Variants in TSPAN11 observed in about 807,000 individuals in gnomAD.
TSPAN11 encodes the protein tetraspanin-11.
In TSPAN11, 29 loss-of-function variants were observed where a neutral mutation model predicts 32.9. That is an observed-to-expected ratio of 0.88 (90% CI 0.66 to 1.20). The LOEUF (loss-of-function observed/expected upper bound fraction) is 1.20, where lower values mean the gene tolerates loss of function less well. TSPAN11 is among the 50% of genes most tolerant of loss of function. The probability of loss-of-function intolerance (pLI) is 0.00; values close to 1 mark genes in which losing one functional copy is unlikely to be tolerated. For synonymous variants in TSPAN11, 140 were observed against 141.3 expected, an observed-to-expected ratio of 0.99 and a Z score of 0.07; for missense variants, 283 against 329.1, an observed-to-expected ratio of 0.86 and a Z score of 1.08.
At chr12:30,970,419 C>A (rs1345858855) in intron 3 of TSPAN11, among the ~76,000 whole-genome samples, 1 of 152,332 alleles carries the variant, frequency 6.6e-6, no homozygotes, top group African/African-American at 2.4e-5. Context: ...GGAACACACA[C>A]AGTGTGATCT....
At chr12:30,939,086 G>A (rs113414814) in intron 1 of TSPAN11, among the ~76,000 whole-genome samples, 2 of 152,152 alleles carry the variant, frequency 1.3e-5, no homozygotes, top group Non-Finnish European at 2.9e-5. Flanking sequence ...ACAAAAATTA[G>A]CCAGGTGTGG....
chr12:30,962,889 C>T (rs1326384021), intron 2 of TSPAN11, among the ~76,000 whole-genome samples: 2 of 152,196 alleles, frequency 1.3e-5, no homozygotes, highest in East Asian at 1.9e-4. Flanking sequence ...CCATCTGGCA[C>T]CCTGAAGATG....
Position 30,995,791 on chromosome 12 carries a change from A to C in TSPAN11, c.*3876A>C, listed in dbSNP as rs1457670096. ...ATCACCTGGAAGGGCTTTTACAAAC[A>C]GATTGCTGGCCCCACCCCCCAGAAT... On this transcript the variant is annotated 3_prime_UTR_variant, in exon 8 of 8. Coordinates refer to ENST00000546076, the MANE Select transcript of TSPAN11 (RefSeq NM_001370302.1). 1.3e-5 allele frequency: 2 copies of C among 149,442 alleles called. No individual in the cohort carries two copies. Among genetic ancestry groups the C allele is most frequent in the African/African-American group, 5.0e-5 (2 of 40,242 alleles). 9.3% of individuals were successfully genotyped at this position (149,442 alleles called of 1,614,324 possible).
At chr12:30,952,481 A>G (rs1938401092) in intron 1 of TSPAN11, among the ~76,000 whole-genome samples, 1 of 152,248 alleles carries the variant, frequency 6.6e-6, no homozygotes, top group Non-Finnish European at 1.5e-5. Flanking sequence ...CGAGAAGACT[A>G]GCAGTCTTAA....
At chr12:31,003,919 C>T in the TSPAN11 span, among the ~76,000 whole-genome samples, 1 of 152,312 alleles carries the variant, frequency 6.6e-6, no homozygotes, top group East Asian at 1.9e-4. Context: ...ATCCTGAACA[C>T]ATCAAAAGTT....
At chr12:30,960,900 G>A (rs771255993) in intron 2 of TSPAN11, among the ~76,000 whole-genome samples, 44 of 151,862 alleles carry the variant, frequency 2.9e-4, no homozygotes, top group Admixed American at 1.3e-3. Context: ...TTAGCCAGGC[G>A]TGGTGGTGCA....
chr12:30,963,652 C>T (rs1411234055), intron 2 of TSPAN11, among the ~76,000 whole-genome samples, 174 bp from the exon 3 acceptor site: 1 of 152,260 alleles, frequency 6.6e-6, no homozygotes, highest in Non-Finnish European at 1.5e-5. Context: ...CTCCTAACCT[C>T]TCTCAGCCTC....
chr12:30,989,750 T>C (rs1939273171), intron 7 of TSPAN11, among the ~76,000 whole-genome samples: 1 of 152,234 alleles, frequency 6.6e-6, no homozygotes, highest in Non-Finnish European at 1.5e-5. Flanking sequence ...CATTTTGGAA[T>C]GACTTCTCAG....
At chr12:31,008,111 CTTT>C in the TSPAN11 span, among the ~76,000 whole-genome samples, 243 of 145,486 alleles carry the variant, frequency 1.7e-3, no homozygotes, top group African/African-American at 5.9e-3. Context: ...TTTCTTTTTT[CTTT>C]TTTTTTTTTT....
chr12:30,971,174 A>C (rs2140297880), intron 3 of TSPAN11, among the ~76,000 whole-genome samples: 1 of 152,292 alleles, frequency 6.6e-6, no homozygotes, highest in East Asian at 1.9e-4. Flanking sequence ...CCTTGACTAG[A>C]TATGGCTTGG....
At chr12:31,003,204 CAGGAGACACAG>C in the TSPAN11 span, among the ~76,000 whole-genome samples, 1 of 152,254 alleles carries the variant, frequency 6.6e-6, no homozygotes, top group African/African-American at 2.4e-5. Flanking sequence ...AGATCATAGT[CAGGAGACACAG>C]AGGAGAGACA....
chr12:30,963,828 CG>C lies in TSPAN11; in HGVS notation c.92del (p.Gly31GlufsTer43). 1 of 1,606,530 alleles carries C rather than the reference CG, an allele frequency of 6.2e-7. No individual in the cohort carries two copies. ...LFVFNFFFWV[G>X]GAAVLAVGIW... ...TCTAACCCGGTGGTCTCCTGCAGGT[CG>C]GGGGAGCAGCCGTCCTGGCTGTGGG... On this transcript the variant is annotated frameshift_variant, in exon 3 of 8. Transcript: ENST00000546076. LOFTEE classifies it high-confidence loss of function.
chr12:30,979,466 G>A, intron 4 of TSPAN11, 100 bp from the exon 5 acceptor site: 2 of 1,053,758 alleles, frequency 1.9e-6, no homozygotes, highest in Non-Finnish European at 2.9e-6. Context: ...ACAGTCCGCA[G>A]TGTTCTAGAA....
At chr12:30,987,055 G>A (rs1939213996) in intron 7 of TSPAN11, among the ~76,000 whole-genome samples, 1 of 152,246 alleles carries the variant, frequency 6.6e-6, no homozygotes. Flanking sequence ...GTGCTGAAAC[G>A]AAGGGTAAAA....
At chr12:30,933,876 C>T (rs533738109) in intron 1 of TSPAN11, among the ~76,000 whole-genome samples, 2 of 152,272 alleles carry the variant, frequency 1.3e-5, no homozygotes, top group East Asian at 3.9e-4. Context: ...TAGAATGCTT[C>T]CCATGTCCTC....
At chr12:30,945,804 T>C (rs1350587346) in intron 1 of TSPAN11, among the ~76,000 whole-genome samples, 1 of 152,040 alleles carries the variant, frequency 6.6e-6, no homozygotes, top group African/African-American at 2.4e-5. Context: ...TGCGGTTGCT[T>C]TTCTGAGATG....
At chr12:30,941,666 A>T (rs1053903745) in intron 1 of TSPAN11, among the ~76,000 whole-genome samples, 1 of 152,176 alleles carries the variant, frequency 6.6e-6, no homozygotes, top group Non-Finnish European at 1.5e-5. Context: ...AGGTGACCCA[A>T]GCACCAAGAC....
At chr12:31,009,594 C>T in the TSPAN11 span, among the ~76,000 whole-genome samples, 2 of 152,138 alleles carry the variant, frequency 1.3e-5, no homozygotes, top group Non-Finnish European at 2.9e-5. Flanking sequence ...TGCCACCCCA[C>T]CTTGGTGCGA....
intron 1 of TSPAN11, among the ~76,000 whole-genome samples, chr12:30,950,970 A>T (rs1938369751): frequency 1.3e-5 from 2 of 152,264 alleles, no homozygotes; most frequent in African/African-American, 4.8e-5. Context: ...TCTACAAAAT[A>T]TATGAAGCAA....
Sources: gnomAD v4.1 joint callset for allele counts (sites outside exome capture counted in the v4.1 genomes callset) on GRCh38, gnomAD v4.1.1 for gene constraint, MANE v1.5 for transcripts, NCBI Gene and HGNC (gene_info 2026-07-23, HGNC 2026-07-21) for gene names.